The following BEND6 variants were observed in gnomAD, a reference collection of about 807,000 sequenced individuals.
The protein encoded by BEND6 is BEN domain-containing protein 6.
In BEND6, 24 loss-of-function variants were observed where a neutral mutation model predicts 31.8. The observed-to-expected ratio is 0.75, with a 90% CI of 0.55 to 1.06. BEND6 has a LOEUF of 1.06. Among genes scored for constraint, BEND6 ranks in the 50% least tolerant of loss-of-function variants. BEND6 has a pLI of 0.00. For synonymous variants in BEND6, 109 were observed against 114.6 expected, an observed-to-expected ratio of 0.95 and a Z score of 0.31; for missense variants, 294 against 327.4, an observed-to-expected ratio of 0.90 and a Z score of 0.79.
At chr6:56,993,168 T>C (rs1185278989) in intron 3 of BEND6, among the ~76,000 whole-genome samples, 1 of 152,258 alleles carries the variant, frequency 6.6e-6, no homozygotes, top group Non-Finnish European at 1.5e-5. Flanking sequence ...TAAAAACTAC[T>C]TGGCTTAATG....
intron 3 of BEND6, chr6:57,004,433 C>CCCA (rs1827073364): frequency 4.5e-5 from 26 of 582,332 alleles, no homozygotes; most frequent in Non-Finnish European, 7.9e-5. Context: ...CCCACCCCAG[C>CCCA]TGGCTGCCCA....
intron 1 of BEND6, among the ~76,000 whole-genome samples, chr6:56,965,114 A>C (rs181671400): frequency 3.8e-3 from 582 of 152,332 alleles, no homozygotes; most frequent in Non-Finnish European, 6.3e-3. Flanking sequence ...TATATAATAA[A>C]TGTATTTTTC....
At chr6:57,020,016 G>A (rs771039501) in intron 6 of BEND6, among the ~76,000 whole-genome samples, 2 of 152,156 alleles carry the variant, frequency 1.3e-5, no homozygotes, top group African/African-American at 2.4e-5. Flanking sequence ...GGAGGATAGC[G>A]AGGTGGAGGC....
chr6:56,959,157 G>A (rs1825201369), intron 1 of BEND6, among the ~76,000 whole-genome samples: 1 of 152,190 alleles, frequency 6.6e-6, no homozygotes, highest in Non-Finnish European at 1.5e-5. Context: ...TAGCAATTTT[G>A]AGTCCCCCCA....
At chr6:56,976,070 G>A in intron 1 of BEND6, 1 of 354,810 alleles carries the variant, frequency 2.8e-6, no homozygotes, top group Non-Finnish European at 5.6e-6. Context: ...CCATGTTGGT[G>A]ACAGCAAGGG....
chr6:56,974,603 C>A (rs1348159463), intron 1 of BEND6, among the ~76,000 whole-genome samples: 1 of 152,174 alleles, frequency 6.6e-6, no homozygotes, highest in African/African-American at 2.4e-5. Context: ...TATGGGACAA[C>A]TTCATTGCTT....
At chr6:56,996,432 G>A (rs1256447377) in intron 3 of BEND6, among the ~76,000 whole-genome samples, 1 of 152,010 alleles carries the variant, frequency 6.6e-6, no homozygotes, top group Non-Finnish European at 1.5e-5. Flanking sequence ...GAGTGACATA[G>A]CGAGACTCTG....
intron 3 of BEND6, chr6:57,004,783 A>G: frequency 1.0e-6 from 1 of 961,226 alleles, no homozygotes; most frequent in South Asian, 1.3e-5. Context: ...GGTGAAATCC[A>G]TCAAAGAATT....
chr6:56,995,024 G>T (rs1194931437), intron 3 of BEND6, among the ~76,000 whole-genome samples: 1 of 151,922 alleles, frequency 6.6e-6, no homozygotes, highest in East Asian at 1.9e-4. Context: ...CTGTGCTTCT[G>T]TGCCCCCTTT....
At chr6:57,025,285 T>C (rs75396144) in intron 6 of BEND6, among the ~76,000 whole-genome samples, 16,639 of 152,302 alleles carry the variant, frequency 0.11, 1,166 homozygotes, top group Middle Eastern at 0.19. Flanking sequence ...GATCTACATC[T>C]ATGACTTTGC....
rs1826803056 is a variant in BEND6 at position 56,998,298 on chromosome 6, G to C, written c.298+5743G>C. On this transcript the variant is annotated intron_variant, in intron 3 of 6. Coordinates refer to ENST00000370746, the MANE Select transcript of BEND6 (RefSeq NM_152731.3). ...ATGTTCCTAACTCTTTAAGAATCAG[G>C]GCTGTTTCTGTGTTTGTAAAGCCTG... Among the ~76,000 whole-genome samples, 3 of 152,078 alleles carry C rather than the reference G, an allele frequency of 2.0e-5. No homozygotes were observed. The South Asian group carries it at 6.2e-4, about 32-fold the overall frequency.
At chr6:56,966,734 T>C (rs28360537) in intron 1 of BEND6, among the ~76,000 whole-genome samples, 17,962 of 152,180 alleles carry the variant, frequency 0.12, 1,367 homozygotes, top group Middle Eastern at 0.19. Flanking sequence ...GCCACACTGT[T>C]TAATTTCCGA....
chr6:57,002,308 A>T (rs1290649547), intron 3 of BEND6, among the ~76,000 whole-genome samples: 1 of 150,696 alleles, frequency 6.6e-6, no homozygotes, highest in South Asian at 2.1e-4. Flanking sequence ...CAGATCATCC[A>T]TGCAGAAAAC....
chr6:56,972,086 C>CTTTTT (rs35524907), intron 1 of BEND6, among the ~76,000 whole-genome samples: 56 of 62,560 alleles, frequency 9.0e-4, no homozygotes, highest in East Asian at 1.1e-3. Flanking sequence ...ACTTTACTTT[C>CTTTTT]TTTTTTTTTT....
intron 6 of BEND6, among the ~76,000 whole-genome samples, chr6:57,022,687 G>T (rs1827788120): frequency 6.6e-6 from 1 of 151,672 alleles, no homozygotes; most frequent in South Asian, 2.1e-4. Flanking sequence ...GGCTCCGTTT[G>T]TTCCTGCTTT....
chr6:57,006,005 A>G (rs1357794812), intron 3 of BEND6, among the ~76,000 whole-genome samples: 1 of 152,194 alleles, frequency 6.6e-6, no homozygotes, highest in Non-Finnish European at 1.5e-5. Flanking sequence ...AACAGAACCT[A>G]ATGTATGATT....
intron 3 of BEND6, among the ~76,000 whole-genome samples, chr6:57,005,401 C>T (rs1250088367): frequency 3.3e-5 from 5 of 152,060 alleles, no homozygotes; most frequent in Non-Finnish European, 4.4e-5. Flanking sequence ...GTGGGCCACG[C>T]GCAGTGGTCC....
At chr6:56,979,901 T>C (rs1283218350) in intron 1 of BEND6, among the ~76,000 whole-genome samples, 1 of 152,248 alleles carries the variant, frequency 6.6e-6, no homozygotes, top group East Asian at 1.9e-4. Context: ...AGTATATCCT[T>C]GGTTAGGGAT....
chr6:56,998,387 G>GTA (rs1383053591), intron 3 of BEND6, among the ~76,000 whole-genome samples: 15 of 152,156 alleles, frequency 9.9e-5, no homozygotes, highest in Admixed American at 9.8e-4. Context: ...AAACGTGTGT[G>GTA]TGCTATGTGT....
Sources: allele counts gnomAD v4.1 joint callset (sites outside exome capture counted in the v4.1 genomes callset), GRCh38; gene constraint gnomAD v4.1.1; transcripts MANE v1.5; gene names NCBI Gene and HGNC (gene_info 2026-07-23, HGNC 2026-07-21).